CASP10: variants seen among roughly 807,000 people sequenced by gnomAD.
The protein encoded by CASP10 is caspase-10.
Under a neutral mutation model 48.5 loss-of-function variants are expected in CASP10, and 41 were observed. That is an observed-to-expected ratio of 0.85 (90% CI 0.66 to 1.10). CASP10 has a LOEUF of 1.10. CASP10 is among the 50% of genes least tolerant of loss of function. The pLI, the probability that CASP10 is intolerant of heterozygous loss-of-function variation, is 0.00. For missense variants in CASP10, 614 were observed against 614.5 expected, an observed-to-expected ratio of 1.00 and a Z score of 0.01; for synonymous variants, 232 against 238.4, an observed-to-expected ratio of 0.97 and a Z score of 0.25.
chr2:201,219,969 A>C lies in CASP10; in HGVS notation c.*2228A>C, dbSNP rs905697630. On this transcript the variant is annotated 3_prime_UTR_variant, in exon 10 of 10. Transcript: ENST00000286186. ...TAGGAGTGTTTCATTTGATATGTGA[A>C]TGCTCATAAAAAAATGTCAAGGAAT... is the stretch of plus-strand genomic sequence containing the variant. The C allele has an allele frequency of 7.1e-6, 7 of 985,286 alleles. No individual in the cohort carries two copies. The African/African-American group carries it at 1.2e-4, about 17-fold the overall frequency. The allele number at this position is 985,286 out of a possible 1,614,324, so 61.0% of individuals were successfully genotyped here.
At chr2:201,203,953 T>C (rs1169643802) in intron 6 of CASP10, among the ~76,000 whole-genome samples, 187 bp downstream of exon 6, 1 of 152,140 alleles carries the variant, frequency 6.6e-6, no homozygotes, top group African/African-American at 2.4e-5. Flanking sequence ...TCTATGGCAG[T>C]ATGGAGAGGG....
rs897381273 is a variant in CASP10 at position 201,209,697 on chromosome 2, A to C, written c.1415+135A>C. On this transcript the variant is annotated intron_variant, in intron 9 of 9. Coordinates refer to ENST00000286186, the MANE Select transcript of CASP10 (RefSeq NM_032977.4). Reference sequence around the variant, plus strand: ...CATGTACCTGTTCAACCATCTGCCTACCCTCCTGTTTATCTATTTATCCAT... The same window carrying C: ...CATGTACCTGTTCAACCATCTGCCTCCCCTCCTGTTTATCTATTTATCCAT... 26 of 850,538 alleles carry C rather than the reference A, an allele frequency of 3.1e-5. No homozygotes were observed. The African/African-American group carries it at 3.6e-4, about 12-fold the overall frequency. The allele number at this position is 850,538 out of a possible 1,614,324, so 52.7% of individuals were successfully genotyped here.
At position 201,185,913 on chromosome 2, in the gene CASP10, T is replaced by G. The variant is rs1047225163; in HGVS notation, c.136T>G (p.Leu46Val). The G allele has an allele frequency of 6.2e-7, 1 of 1,614,170 alleles. No individual in the cohort carries two copies. The highest frequency in any genetic ancestry group is 8.5e-7 in the Non-Finnish European group (1 of 1,180,028). ...GAACCTCAAGTTTCTCTGCATAGGA[T>G]TGGTCCCCAACAAGAAGCTGGAGAA... ...VENLKFLCIGLVPNKKLEKSS... is the reference protein window; with the variant it reads ...VENLKFLCIGVVPNKKLEKSS... The change falls in exon 2 of 10, where the codon TTG becomes GTG. Residue 46 changes from leucine to valine, a missense_variant. Leu to Val is a conservative substitution (Grantham distance 32, BLOSUM62 1). Transcript: ENST00000286186.
chr2:201,228,966 CAG>C lies in CASP10; in HGVS notation c.1450_1451del (p.Arg484GlyfsTer10). 6.2e-7 allele frequency: 1 copy of C among 1,614,172 alleles called. No homozygotes were observed. The highest frequency in any genetic ancestry group is 8.5e-7 in the Non-Finnish European group (1 of 1,180,020). On this transcript the variant is annotated frameshift_variant, in exon 10 of 10. Transcript: ENST00000272879. LOFTEE classifies it low-confidence loss of function (END_TRUNC). ...AATTTCTGGAAAAGACAATGGAAAT[CAG>C]GGGCAGGAAGAGAACAGTGTGGGGT...
At chr2:201,183,489 C>T (rs1173111956) in intron 1 of CASP10, among the ~76,000 whole-genome samples, 181 bp downstream of exon 1, 1 of 152,098 alleles carries the variant, frequency 6.6e-6, no homozygotes, top group Admixed American at 6.6e-5. Flanking sequence ...CCAACATAGC[C>T]TTTTACCGGG....
At position 201,195,865 on chromosome 2, in the gene CASP10, G is replaced by A. The variant is rs755710677; in HGVS notation, c.601G>A (p.Val201Ile). ...AGCTATCCAGATAGTGACACCTCCT[G>A]TAGACAAGGAAGCCGAGTCGTATCA... is the stretch of plus-strand genomic sequence containing the variant. Reference protein sequence around the residue: ...EKAIQIVTPPVDKEAESYQGE... With the variant: ...EKAIQIVTPPIDKEAESYQGE... The change falls in exon 5 of 10, where the codon GTA (valine) becomes ATA (isoleucine). Residue 201 changes from valine (V) to isoleucine (I), a missense_variant. Val to Ile is a conservative substitution (Grantham distance 29). Coordinates refer to ENST00000286186, the MANE Select transcript of CASP10 (RefSeq NM_032977.4). 1.9e-6 allele frequency: 3 copies of A among 1,613,470 alleles called. No individual in the cohort carries two copies. Among genetic ancestry groups the A allele is most frequent in the East Asian group, 2.2e-5 (1 of 44,872 alleles).
At chr2:201,195,717 C>T (rs999539772) in intron 4 of CASP10, 125 bp from the exon 5 acceptor site, 29 of 754,518 alleles carry the variant, frequency 3.8e-5, no homozygotes, top group Non-Finnish European at 2.2e-5. Flanking sequence ...CCTACTCTGT[C>T]CCCAGGCTGC....
chr2:201,192,097 C>G (rs1944631338), intron 3 of CASP10, among the ~76,000 whole-genome samples: 1 of 152,140 alleles, frequency 6.6e-6, no homozygotes, highest in Non-Finnish European at 1.5e-5. Flanking sequence ...AGGATGCTGT[C>G]AAGACATGAG....
chr2:201,185,084 C>T (rs1390451697), intron 1 of CASP10, among the ~76,000 whole-genome samples: 2 of 152,138 alleles, frequency 1.3e-5, no homozygotes, highest in Non-Finnish European at 2.9e-5. Flanking sequence ...CTGTGCTCCC[C>T]AGGCTCAAAT....
rs769141593 is a variant in CASP10, at chr2:201,209,296, C to T, written c.1149C>T (p.Ala383=). 1 of 1,614,152 alleles carries T rather than the reference C, an allele frequency of 6.2e-7. No individual in the cohort carries two copies. The highest frequency in any genetic ancestry group is 1.1e-5 in the South Asian group (1 of 91,076). Residue 383 remains alanine (A), a synonymous_variant, in exon 9 of 10, where the codon GCC becomes GCT. Transcript: ENST00000286186. ...GGGAGATCATGTCTCACTTCACAGC[C>T]CTGCAGTGCCCTAGACTGGCTGAAA... is the stretch of plus-strand genomic sequence containing the variant. ...PIREIMSHFT[A]LQCPRLAEKP... is the part of the protein sequence containing the mutation.
In CASP10 at chr2:201,203,742, C is replaced by A; in HGVS notation, c.697C>A (p.Gln233Lys). 1 of 1,613,440 alleles carries A rather than the reference C, an allele frequency of 6.2e-7. No homozygotes were observed. Among genetic ancestry groups the A allele is most frequent in the Non-Finnish European group, 8.5e-7 (1 of 1,179,496 alleles). Residue 233 changes from glutamine to lysine, a missense_variant, in exon 6 of 10, where the codon CAA (glutamine) becomes AAA (lysine). Gln to Lys is a moderately conservative substitution (Grantham distance 53). Transcript: ENST00000286186. ...FLEALPQESW[Q>K]NKHAGSNGNR... ...TCTTTTTTCTCAGCAGGAGTCCTGG[C>A]AAAATAAGCATGCAGGTAGTAATGG...
At chr2:201,213,656 T>C (rs1324274434) in intron 9 of CASP10, 3 of 152,194 alleles carry the variant, frequency 2.0e-5, no homozygotes, top group Admixed American at 6.6e-5. Flanking sequence ...AGCTGTGGAT[T>C]CACTTGTAGT....
chr2:201,218,355 T>G lies in CASP10; in HGVS notation c.*614T>G. The G allele has an allele frequency of 1.0e-6, 1 of 985,762 alleles. No individual in the cohort carries two copies. Among genetic ancestry groups the G allele is most frequent in the Non-Finnish European group, 1.2e-6 (1 of 828,758 alleles). 61.1% of individuals were successfully genotyped at this position (985,762 alleles called of 1,614,324 possible). ...AGTCACTCCGTCACCTGGGCTGGAGTGCAGTGGTGGGATCACTGTTCACTG... is the reference window on the plus strand; with the variant it reads ...AGTCACTCCGTCACCTGGGCTGGAGGGCAGTGGTGGGATCACTGTTCACTG... On this transcript the variant is annotated 3_prime_UTR_variant, in exon 10 of 10. Transcript: ENST00000286186.
chr2:201,229,026 G>A (rs1184583065), exon 10 of CASP10: 16 of 1,614,020 alleles, frequency 9.9e-6, no homozygotes, highest in East Asian at 2.2e-5. Context: ...CCCTGCCCAC[G>A]GCCATCTCTG....
In CASP10 at chr2:201,205,962, A is replaced by G; in HGVS notation, c.802A>G (p.Thr268Ala). 6.2e-7 allele frequency: 1 copy of G among 1,610,180 alleles called. No individual in the cohort carries two copies. The highest frequency in any genetic ancestry group is 8.5e-7 in the Non-Finnish European group (1 of 1,176,570). ...GASANTLNSE[T>A]STKRAAVYRM... Reference sequence around the variant, plus strand: ...ATCTGCTAACACTCTAAACTCTGAAACCAGCACAAAGGTCTGGATGGTTTC... The same window carrying G: ...ATCTGCTAACACTCTAAACTCTGAAGCCAGCACAAAGGTCTGGATGGTTTC... Residue 268 changes from threonine (T) to alanine (A), a missense_variant, in exon 7 of 10, where the codon ACC (threonine) becomes GCC (alanine). Physicochemically the swap from Thr to Ala is moderately conservative, Grantham distance 58. Coordinates refer to ENST00000286186, the MANE Select transcript of CASP10 (RefSeq NM_032977.4).
chr2:201,186,189 C>A, intron 2 of CASP10, 65 bp downstream of exon 2: 1 of 1,219,272 alleles, frequency 8.2e-7, no homozygotes, highest in Non-Finnish European at 1.2e-6. Flanking sequence ...GGCCATTGGG[C>A]TTTGAAAGGA....
At position 201,217,760 on chromosome 2, in the gene CASP10, T is replaced by C. The variant is rs1945619279; in HGVS notation, c.*19T>C. On this transcript the variant is annotated 3_prime_UTR_variant, in exon 10 of 10. Coordinates refer to ENST00000286186, the MANE Select transcript of CASP10 (RefSeq NM_032977.4). ...ATTATAGCAGAGAGTTTTTGTTGGTTCTTAGACCTCAAACGAATCATTGGC... is the reference window on the plus strand; with the variant it reads ...ATTATAGCAGAGAGTTTTTGTTGGTCCTTAGACCTCAAACGAATCATTGGC... The C allele has an allele frequency of 1.9e-6, 3 of 1,613,772 alleles. No individual in the cohort carries two copies. Among genetic ancestry groups the C allele is most frequent in the African/African-American group, 1.3e-5 (1 of 75,018 alleles).
intron 1 of CASP10, 139 bp from the exon 2 acceptor site, chr2:201,185,632 T>A (rs1944387941): frequency 1.5e-6 from 1 of 682,810 alleles, no homozygotes; most frequent in Non-Finnish European, 2.6e-6. Flanking sequence ...AGCCTCGCCG[T>A]AATTTTTATT....
intron 5 of CASP10, chr2:201,200,359 C>A: frequency 1.6e-6 from 2 of 1,273,856 alleles, no homozygotes; most frequent in Admixed American, 1.8e-5. Context: ...TAAAACAATG[C>A]TTTTCTGACT....
Sources: allele counts gnomAD v4.1 joint callset (sites outside exome capture counted in the v4.1 genomes callset), GRCh38; gene constraint gnomAD v4.1.1; transcripts MANE v1.5; gene names NCBI Gene and HGNC (gene_info 2026-07-23, HGNC 2026-07-21).